Variants in SND1 observed in about 807,000 individuals in gnomAD.
The protein encoded by SND1 is staphylococcal nuclease domain-containing protein 1.
A neutral mutation model predicts 121.7 loss-of-function variants in SND1; 38 were observed. That is an observed-to-expected ratio of 0.31 (90% CI 0.24 to 0.41). The LOEUF is 0.41. Among genes scored for constraint, SND1 ranks in the 10% least tolerant of loss-of-function variants. The pLI, the probability that SND1 is intolerant of heterozygous loss-of-function variation, is 1.00. For missense variants in SND1, 868 were observed against 1,184.6 expected (o/e 0.73, Z 3.92); for synonymous variants, 401 against 447.4 (o/e 0.90, Z 1.31).
intron 16 of SND1, among the ~76,000 whole-genome samples, chr7:128,008,351 T>C (rs745544319): frequency 6.6e-6 from 1 of 152,132 alleles, no homozygotes; most frequent in Non-Finnish European, 1.5e-5. Flanking sequence ...TCGCTTTCCC[T>C]GATATGTAGT....
intron 1 of SND1, among the ~76,000 whole-genome samples, chr7:127,684,261 CTG>C (rs1795776192): frequency 6.6e-6 from 1 of 152,174 alleles, no homozygotes; most frequent in Admixed American, 6.5e-5. Flanking sequence ...GCTTTTATGA[CTG>C]GGCTTTACCA....
chr7:127,844,121 A>G (rs934598390), intron 11 of SND1, among the ~76,000 whole-genome samples: 1 of 152,158 alleles, frequency 6.6e-6, no homozygotes, highest in Admixed American at 6.5e-5. Context: ...TTTTAGATAA[A>G]TGTTCTTTAT....
intron 12 of SND1, chr7:127,858,524 G>T (rs1799324221): frequency 6.0e-6 from 3 of 498,720 alleles, no homozygotes; most frequent in African/African-American, 5.8e-5. Context: ...CTTTGTTTAT[G>T]CAGTGCAGAT....
At chr7:127,871,820 G>A (rs1799594042) in intron 12 of SND1, among the ~76,000 whole-genome samples, 1 of 152,130 alleles carries the variant, frequency 6.6e-6, no homozygotes, top group Non-Finnish European at 1.5e-5. Flanking sequence ...CTATTAATAA[G>A]TAGATCCTAG....
chr7:127,726,979 T>C (rs1562992443), intron 10 of SND1, among the ~76,000 whole-genome samples: 1 of 152,138 alleles, frequency 6.6e-6, no homozygotes, highest in South Asian at 2.1e-4. Flanking sequence ...GGGAAGGAAG[T>C]GTGGAAACCC....
chr7:127,766,270 G>T (rs1031179849), intron 10 of SND1, among the ~76,000 whole-genome samples: 1 of 152,196 alleles, frequency 6.6e-6, no homozygotes, highest in African/African-American at 2.4e-5. Flanking sequence ...GAACTGTGAG[G>T]AAGTTAAGTT....
intron 9 of SND1, among the ~76,000 whole-genome samples, chr7:127,720,054 G>A (rs1392884599): frequency 3.9e-5 from 6 of 152,198 alleles, no homozygotes; most frequent in Non-Finnish European, 5.9e-5. Context: ...AAAAGGTAGA[G>A]AATTGCTGTT....
intron 15 of SND1, among the ~76,000 whole-genome samples, chr7:127,951,526 GTACTT>G (rs997227561): frequency 6.6e-6 from 1 of 152,148 alleles, no homozygotes; most frequent in Non-Finnish European, 1.5e-5. Flanking sequence ...TATTGTAAGA[GTACTT>G]TATTTAAAAA....
intron 12 of SND1, among the ~76,000 whole-genome samples, chr7:127,872,277 G>A (rs1468947243): frequency 2.6e-5 from 4 of 152,198 alleles, no homozygotes; most frequent in Non-Finnish European, 4.4e-5. Flanking sequence ...GCTGGGGTGA[G>A]AACCCATATC....
chr7:127,722,538 T>C (rs1040412978), intron 10 of SND1, among the ~76,000 whole-genome samples: 8 of 152,046 alleles, frequency 5.3e-5, no homozygotes, highest in African/African-American at 1.9e-4. Context: ...ATAAAAAAAA[T>C]CCCTTTTGTA....
intron 1 of SND1, among the ~76,000 whole-genome samples, chr7:127,660,282 C>G (rs911131344): frequency 6.6e-6 from 1 of 152,140 alleles, no homozygotes; most frequent in East Asian, 1.9e-4. Flanking sequence ...GTGACATTTT[C>G]CTGGTGCAGC....
intron 3 of SND1, among the ~76,000 whole-genome samples, chr7:127,698,644 T>C (rs1392620461): frequency 6.6e-6 from 1 of 152,124 alleles, no homozygotes; most frequent in South Asian, 2.1e-4. Flanking sequence ...CACTAGAAAA[T>C]TAAAAACAAA....
chr7:127,912,602 G>A (rs1448683360), intron 14 of SND1, among the ~76,000 whole-genome samples: 2 of 152,094 alleles, frequency 1.3e-5, no homozygotes, highest in Non-Finnish European at 1.5e-5. Flanking sequence ...ATCTATATCT[G>A]TTCTTTAGTC....
intron 8 of SND1, among the ~76,000 whole-genome samples, chr7:127,705,569 C>T (rs893377604): frequency 6.7e-6 from 1 of 148,578 alleles, no homozygotes; most frequent in African/African-American, 2.5e-5. Context: ...CTGTCAGCGT[C>T]AAGATGTAGA....
At chr7:127,687,499 T>TA (rs1260549850) in intron 2 of SND1, among the ~76,000 whole-genome samples, 2 of 152,164 alleles carry the variant, frequency 1.3e-5, no homozygotes, top group African/African-American at 2.4e-5. Context: ...CCCCAGTGTC[T>TA]ATTATTTCTA....
intron 12 of SND1, among the ~76,000 whole-genome samples, chr7:127,868,815 A>C (rs140579607): frequency 5.9e-5 from 9 of 152,238 alleles, no homozygotes; most frequent in African/African-American, 2.2e-4. Flanking sequence ...CCACATGAAC[A>C]TTATATGGTT....
rs147758436 is a variant in SND1 at position 127,792,578 on chromosome 7, G to A, written c.1153-14906G>A. Among the ~76,000 whole-genome samples the A allele has an allele frequency of 2.6e-5, 4 of 152,300 alleles. No homozygotes were observed. In the East Asian group the frequency reaches 7.7e-4, roughly 29 times the overall value. Reference sequence around the variant, plus strand: ...TGCAGCTCCTACCCTCTAAGGTTGGGGGAATAAGAAAAGAAAACATATAAG... The same window carrying A: ...TGCAGCTCCTACCCTCTAAGGTTGGAGGAATAAGAAAAGAAAACATATAAG... On this transcript the variant is annotated intron_variant, in intron 10 of 23. Transcript: ENST00000354725.
intron 10 of SND1, among the ~76,000 whole-genome samples, chr7:127,725,475 G>C (rs1301184691): frequency 6.6e-6 from 1 of 152,190 alleles, no homozygotes; most frequent in Non-Finnish European, 1.5e-5. Flanking sequence ...AAAAATATGG[G>C]CCTGCCCTAG....
intron 10 of SND1, among the ~76,000 whole-genome samples, chr7:127,725,631 G>C (rs1796568433): frequency 6.6e-6 from 1 of 152,214 alleles, no homozygotes; most frequent in Non-Finnish European, 1.5e-5. Context: ...GGAGGGCCTT[G>C]AAAGAAACAC....
Sources: gnomAD v4.1 joint callset for allele counts (sites outside exome capture counted in the v4.1 genomes callset) on GRCh38, gnomAD v4.1.1 for gene constraint, MANE v1.5 for transcripts, NCBI Gene and HGNC (gene_info 2026-07-23, HGNC 2026-07-21) for gene names.